Variants in ERC1 observed in about 807,000 individuals in gnomAD.
The protein encoded by ERC1 is RAB6 interacting protein 2.
In ERC1, 56 loss-of-function variants were observed where a neutral mutation model predicts 132.0. The ratio of observed to expected loss-of-function variants is 0.42; its 90% confidence interval spans 0.34 to 0.53. ERC1 has a LOEUF of 0.53. Ranked by LOEUF, ERC1 falls within the 20% of genes least tolerant of loss-of-function variation. The probability of loss-of-function intolerance (pLI) is 0.03; values close to 1 mark genes in which losing one functional copy is unlikely to be tolerated. For synonymous variants in ERC1, 478 were observed against 476.1 expected (o/e 1.00, Z -0.05); for missense variants, 1,202 against 1,349.9 (o/e 0.89, Z 1.72).
chr12:1,248,063 T>G (rs1348909775), intron 13 of ERC1, among the ~76,000 whole-genome samples: 2 of 152,222 alleles, frequency 1.3e-5, no homozygotes, highest in Admixed American at 1.3e-4. Flanking sequence ...ACTCAAATCC[T>G]CAAGCCATGA....
At chr12:1,091,122 C>G (rs1393408441) in intron 3 of ERC1, among the ~76,000 whole-genome samples, 1 of 152,146 alleles carries the variant, frequency 6.6e-6, no homozygotes, top group Non-Finnish European at 1.5e-5. Flanking sequence ...CTCCTGACCT[C>G]AGGTGATCTG....
intron 7 of ERC1, among the ~76,000 whole-genome samples, chr12:1,137,095 C>CTTTTTTTTTTTTTTTTTTTTTTTTT (rs1949321751): frequency 7.4e-6 from 1 of 134,746 alleles, no homozygotes; most frequent in Non-Finnish European, 1.6e-5. Flanking sequence ...TTCTTTTTTT[C>CTTTTTTTTTTTTTTTTTTTTTTTTT]TTTTCTTTTT....
At chr12:1,003,106 A>G (rs1962764842) in intron 1 of ERC1, among the ~76,000 whole-genome samples, 1 of 135,418 alleles carries the variant, frequency 7.4e-6, no homozygotes, top group African/African-American at 2.5e-5. Flanking sequence ...CAAAAAAAAA[A>G]AAAAAAAAGA....
intron 18 of ERC1, among the ~76,000 whole-genome samples, chr12:1,476,574 C>T (rs1397868506): frequency 3.9e-5 from 6 of 152,164 alleles, no homozygotes; most frequent in African/African-American, 9.7e-5. Flanking sequence ...GGAAGAACTA[C>T]GAATGAAAAC....
chr12:1,490,555 AG>A lies in ERC1; in HGVS notation c.*327del. ...GCCCTGACAGAGAGCCATGGAGCAG[AG>A]GAGCCTCTCACCTCCTGTCCTCTGA... On this transcript the variant is annotated 3_prime_UTR_variant, in exon 19 of 19. Transcript: ENST00000360905. 3.1e-6 allele frequency: 1 copy of A among 321,612 alleles called. No homozygotes were observed. The highest frequency in any genetic ancestry group is 5.8e-6 in the Non-Finnish European group (1 of 170,958). 19.9% of individuals were successfully genotyped at this position (321,612 alleles called of 1,614,324 possible).
intron 8 of ERC1, chr12:1,152,775 C>T: frequency 6.4e-6 from 1 of 155,340 alleles, no homozygotes; most frequent in Non-Finnish European, 1.4e-5. Context: ...CAGGAGTTGG[C>T]CAAATTTCCA....
At position 1,484,033 on chromosome 12, in the gene ERC1, T is replaced by C. The variant is rs370512579; in HGVS notation, c.3214-6060T>C. Among the ~76,000 whole-genome samples the C allele has an allele frequency of 3.1e-3, 471 of 149,782 alleles. 1 individual carries two copies. The highest frequency in any genetic ancestry group is 4.9e-3 in the African/African-American group (197 of 40,568). Reference sequence around the variant, plus strand: ...AAAAAATCTTTGTTCCAGCCGGGCGTGGTGGCTCACGCCTGTAATCCCAGC... The same window carrying C: ...AAAAAATCTTTGTTCCAGCCGGGCGCGGTGGCTCACGCCTGTAATCCCAGC... On this transcript the variant is annotated intron_variant, in intron 18 of 18. Coordinates refer to ENST00000360905, the MANE Select transcript of ERC1 (RefSeq NM_178040.4).
chr12:1,235,616 T>C (rs566128014), intron 12 of ERC1, among the ~76,000 whole-genome samples: 1 of 152,322 alleles, frequency 6.6e-6, no homozygotes, highest in East Asian at 1.9e-4. Flanking sequence ...GAAACATGCA[T>C]TGTAAAACTA....
chr12:1,153,305 A>T (rs1566095496), intron 8 of ERC1, among the ~76,000 whole-genome samples: 1 of 152,254 alleles, frequency 6.6e-6, no homozygotes, highest in African/African-American at 2.4e-5. Flanking sequence ...CACATGCTGA[A>T]TATGTTAGAC....
At chr12:1,261,647 A>G (rs553879093) in intron 13 of ERC1, among the ~76,000 whole-genome samples, 226 of 151,994 alleles carry the variant, frequency 1.5e-3, no homozygotes, top group African/African-American at 5.3e-3. Flanking sequence ...GGAAGAGCTC[A>G]ACAAACAACG....
chr12:1,417,697 CTT>C (rs1342768316), intron 17 of ERC1, among the ~76,000 whole-genome samples: 1 of 150,192 alleles, frequency 6.7e-6, no homozygotes, highest in Non-Finnish European at 1.5e-5. Context: ...AGGAGAATCA[CTT>C]TAACGCAGGA....
chr12:1,236,127 CAT>C (rs145732175), intron 12 of ERC1, among the ~76,000 whole-genome samples: 3 of 151,446 alleles, frequency 2.0e-5, no homozygotes, highest in African/African-American at 4.9e-5. Context: ...ATGAACAGTT[CAT>C]ATATATATAT....
intron 8 of ERC1, among the ~76,000 whole-genome samples, chr12:1,158,672 C>G (rs555700329): frequency 6.7e-6 from 1 of 150,054 alleles, no homozygotes; most frequent in Non-Finnish European, 1.5e-5. Flanking sequence ...AGGCTGGTCT[C>G]GAACTCCCGT....
chr12:1,138,193 A>AT (rs1343807211), intron 7 of ERC1, among the ~76,000 whole-genome samples: 1 of 104,602 alleles, frequency 9.6e-6, no homozygotes, highest in African/African-American at 4.8e-5. Flanking sequence ...TATCATATAT[A>AT]ATTATATATG....
chr12:1,225,351 GAGGCAGGAGGATCAATT>G (rs1366115826), intron 12 of ERC1, among the ~76,000 whole-genome samples: 2 of 151,992 alleles, frequency 1.3e-5, no homozygotes, highest in African/African-American at 4.8e-5. Context: ...TTGGGAGGCT[GAGGCAGGAGGATCAATT>G]GAGCCCAGGA....
intron 16 of ERC1, among the ~76,000 whole-genome samples, chr12:1,400,908 A>ATTTTTTTTTTTTTTTTTTTTTT (rs2090967822): frequency 2.3e-5 from 1 of 43,400 alleles, no homozygotes; most frequent in Non-Finnish European, 5.6e-5. Context: ...TGTTTTGGCT[A>ATTTTTTTTTTTTTTTTTTTTTT]TTTTTGTATT....
chr12:1,173,465 T>C (rs955001345), intron 8 of ERC1, among the ~76,000 whole-genome samples: 1 of 152,162 alleles, frequency 6.6e-6, no homozygotes, highest in African/African-American at 2.4e-5. Flanking sequence ...TCCGAGCATA[T>C]TTAAAAGGGT....
chr12:1,040,900 CA>C (rs1393237694), intron 2 of ERC1, among the ~76,000 whole-genome samples: 1 of 152,052 alleles, frequency 6.6e-6, no homozygotes, highest in Non-Finnish European at 1.5e-5. Flanking sequence ...ATGTGGTATG[CA>C]AAGATCTGTG....
At chr12:1,061,086 C>A (rs142428281) in intron 2 of ERC1, among the ~76,000 whole-genome samples, 24 of 152,264 alleles carry the variant, frequency 1.6e-4, no homozygotes, top group Non-Finnish European at 2.9e-4. Context: ...TACACTATAT[C>A]ACTGCTTCTT....
Sources: allele counts gnomAD v4.1 joint callset (sites outside exome capture counted in the v4.1 genomes callset), GRCh38; gene constraint gnomAD v4.1.1; transcripts MANE v1.5; gene names NCBI Gene and HGNC (gene_info 2026-07-23, HGNC 2026-07-21).